Variants in REC114 observed in about 807,000 individuals in gnomAD.
REC114 encodes the protein meiotic recombination protein REC114.
A neutral mutation model predicts 31.3 loss-of-function variants in REC114; 27 were observed. The observed-to-expected ratio is 0.86, with a 90% CI of 0.64 to 1.19. The LOEUF (loss-of-function observed/expected upper bound fraction) is 1.19, where lower values mean the gene tolerates loss of function less well. Among genes scored for constraint, REC114 ranks in the 50% most tolerant of loss-of-function variants. The probability of loss-of-function intolerance (pLI) is 0.00; values close to 1 mark genes in which losing one functional copy is unlikely to be tolerated. For missense variants in REC114, 344 were observed against 326.9 expected (o/e 1.05, Z -0.40); for synonymous variants, 134 against 127.7 (o/e 1.05, Z -0.33).
At chr15:73,539,282 ATTTT>A (rs753968018) in intron 2 of REC114, among the ~76,000 whole-genome samples, 829 of 70,722 alleles carry the variant, frequency 0.012, 1 homozygote, top group Admixed American at 0.016. Flanking sequence ...TTCAGAACTG[ATTTT>A]TTTTTTTTTT....
intron 2 of REC114, among the ~76,000 whole-genome samples, chr15:73,484,522 T>A (rs1893340298): frequency 6.6e-6 from 1 of 152,206 alleles, no homozygotes; most frequent in South Asian, 2.1e-4. Flanking sequence ...TGGGGATATT[T>A]CTCCAAATTT....
intron 2 of REC114, among the ~76,000 whole-genome samples, chr15:73,476,479 T>C (rs1893216710): frequency 6.6e-6 from 1 of 152,222 alleles, no homozygotes; most frequent in Non-Finnish European, 1.5e-5. Context: ...TTTGTTTATA[T>C]ATATCTTTAA....
intron 2 of REC114, among the ~76,000 whole-genome samples, chr15:73,524,732 G>A (rs1237467704): frequency 6.6e-6 from 1 of 152,036 alleles, no homozygotes; most frequent in Non-Finnish European, 1.5e-5. Context: ...TGAGTAGCTG[G>A]GACTACAGGC....
At chr15:73,500,243 C>A (rs573056690) in intron 2 of REC114, among the ~76,000 whole-genome samples, 11 of 151,648 alleles carry the variant, frequency 7.3e-5, no homozygotes, top group African/African-American at 2.7e-4. Flanking sequence ...CTATGCCTAG[C>A]ATAGATGCCA....
chr15:73,527,322 A>G (rs1894021421), intron 2 of REC114, among the ~76,000 whole-genome samples: 1 of 152,202 alleles, frequency 6.6e-6, no homozygotes, highest in Non-Finnish European at 1.5e-5. Context: ...CCAGAGATTC[A>G]AGGAACGCAT....
At chr15:73,548,110 A>G (rs536441659) in intron 3 of REC114, among the ~76,000 whole-genome samples, 4 of 152,254 alleles carry the variant, frequency 2.6e-5, no homozygotes, top group South Asian at 2.1e-4. Flanking sequence ...ACATGAATAG[A>G]CACTTTTTTT....
In REC114 at chr15:73,473,928, T is replaced by C; in HGVS notation, c.249+7T>C. 1 of 1,516,550 alleles carries C rather than the reference T, an allele frequency of 6.6e-7. No homozygotes were observed. The highest frequency in any genetic ancestry group is 9.1e-7 in the Non-Finnish European group (1 of 1,104,934). 93.9% of individuals were successfully genotyped at this position (1,516,550 alleles called of 1,614,324 possible). On this transcript the variant is annotated splice_region_variant and intron_variant, in intron 2 of 5. Transcript: ENST00000331090. The stretch of plus-strand genomic sequence containing the variant: ...CCAAGGACAGACACTACTGGTAGGT[T>C]TTATGCATAACAGTTTAATATGGAA...
chr15:73,449,100 T>C (rs967430184), intron 1 of REC114, among the ~76,000 whole-genome samples: 2 of 151,894 alleles, frequency 1.3e-5, no homozygotes, highest in African/African-American at 4.8e-5. Flanking sequence ...CTCCAAAAGA[T>C]CACAACGCCT....
At chr15:73,539,025 T>C (rs1485371061) in intron 2 of REC114, among the ~76,000 whole-genome samples, 3 of 152,104 alleles carry the variant, frequency 2.0e-5, no homozygotes, top group Non-Finnish European at 4.4e-5. Context: ...ATTTGTAATT[T>C]TGATATTGCC....
At chr15:73,481,284 G>A (rs1254602029) in intron 2 of REC114, among the ~76,000 whole-genome samples, 1 of 151,972 alleles carries the variant, frequency 6.6e-6, no homozygotes, top group Non-Finnish European at 1.5e-5. Context: ...GCCACTCCCT[G>A]TGAGATCCAT....
chr15:73,539,282 A>ATTTTTTTTTTTTTTTTTT (rs753968018), intron 2 of REC114, among the ~76,000 whole-genome samples: 3 of 70,814 alleles, frequency 4.2e-5, no homozygotes, highest in African/African-American at 2.0e-4. Flanking sequence ...TTCAGAACTG[A>ATTTTTTTTTTTTTTTTTT]TTTTTTTTTT....
At chr15:73,553,793 A>G (rs149306406) in intron 4 of REC114, among the ~76,000 whole-genome samples, 1 of 152,212 alleles carries the variant, frequency 6.6e-6, no homozygotes, top group Non-Finnish European at 1.5e-5. Flanking sequence ...GCCTTTCTTG[A>G]TTCTATTTTC....
chr15:73,553,469 T>C (rs990012125), intron 4 of REC114, among the ~76,000 whole-genome samples: 24 of 152,206 alleles, frequency 1.6e-4, no homozygotes, highest in Admixed American at 3.9e-4. Context: ...TCACTGCCTG[T>C]TAGATTCAGA....
intron 2 of REC114, among the ~76,000 whole-genome samples, chr15:73,497,037 T>C (rs1446947732): frequency 6.6e-6 from 1 of 152,034 alleles, no homozygotes; most frequent in African/African-American, 2.4e-5. Flanking sequence ...TCTCAGGAGG[T>C]ATATGATATT....
chr15:73,500,144 T>C (rs1190248007), intron 2 of REC114, among the ~76,000 whole-genome samples: 1 of 152,114 alleles, frequency 6.6e-6, no homozygotes, highest in Non-Finnish European at 1.5e-5. Context: ...GCTATTAGAA[T>C]GCCTGCAAAT....
At position 73,443,345 on chromosome 15, in the gene REC114, G is replaced by T. The variant is rs753698315; in HGVS notation, c.159+1G>T. On this transcript the variant is annotated splice_donor_variant, in intron 1 of 5. Transcript: ENST00000331090. LOFTEE classifies it high-confidence loss of function. ...GACAGCCCCCTGCCCCACATGGAAGGTGAGGCCCGAAGGCAGGAATATCCC... is the reference window on the plus strand; with the variant it reads ...GACAGCCCCCTGCCCCACATGGAAGTTGAGGCCCGAAGGCAGGAATATCCC... 2 of 1,568,190 alleles carry T rather than the reference G, an allele frequency of 1.3e-6. No homozygotes were observed. Among genetic ancestry groups the T allele is most frequent in the South Asian group, 2.4e-5 (2 of 84,946 alleles).
At chr15:73,460,235 A>T (rs569471427) in intron 1 of REC114, among the ~76,000 whole-genome samples, 2 of 152,326 alleles carry the variant, frequency 1.3e-5, no homozygotes, top group Admixed American at 1.3e-4. Context: ...GGTAGAATTT[A>T]TTTGGACAAA....
rs1893669206 is a variant in REC114 at position 73,505,860 on chromosome 15, G to A, written c.249+31939G>A. 2.0e-5 allele frequency among the ~76,000 whole-genome samples: 3 copies of A among 152,176 alleles called. No individual in the cohort carries two copies. In the South Asian group the frequency reaches 6.2e-4, roughly 32 times the overall value. ...ACTTCTCCTTCTTACCCTGGTTATAGTTGGTAGAACATTTCCTGATTACAC... is the reference window on the plus strand; with the variant it reads ...ACTTCTCCTTCTTACCCTGGTTATAATTGGTAGAACATTTCCTGATTACAC... On this transcript the variant is annotated intron_variant, in intron 2 of 5. Transcript: ENST00000331090.
chr15:73,500,806 ACT>A, intron 2 of REC114, among the ~76,000 whole-genome samples: 1 of 149,550 alleles, frequency 6.7e-6, no homozygotes, highest in Middle Eastern at 3.5e-3. Flanking sequence ...GTTTCTCCAG[ACT>A]TCTCCCACTC....
Sources: gnomAD v4.1 joint callset for allele counts (sites outside exome capture counted in the v4.1 genomes callset) on GRCh38, gnomAD v4.1.1 for gene constraint, MANE v1.5 for transcripts, NCBI Gene and HGNC (gene_info 2026-07-23, HGNC 2026-07-21) for gene names.